The following RAPGEF1 variants were observed in gnomAD, a reference collection of about 807,000 sequenced individuals.
RAPGEF1 encodes CRK SH3-binding GNRP.
In RAPGEF1, 33 loss-of-function variants were observed where a neutral mutation model predicts 143.3. That is an observed-to-expected ratio of 0.23 (90% CI 0.17 to 0.31). RAPGEF1 has a LOEUF of 0.31. Ranked by LOEUF, RAPGEF1 falls within the 10% of genes least tolerant of loss-of-function variation. The probability of loss-of-function intolerance (pLI) is 1.00; values close to 1 mark genes in which losing one functional copy is unlikely to be tolerated. For synonymous variants in RAPGEF1, 629 were observed against 676.5 expected, an observed-to-expected ratio of 0.93 and a Z score of 1.09; for missense variants, 1,199 against 1,645.4, an observed-to-expected ratio of 0.73 and a Z score of 4.69.
rs1956713069 is a variant in RAPGEF1, at chr9:131,604,058, G to C, written c.2320-5C>G. 7.6e-7 allele frequency: 1 copy of C among 1,321,688 alleles called. No individual in the cohort carries two copies. The highest frequency in any genetic ancestry group is 1.0e-6 in the Non-Finnish European group (1 of 996,628). The allele number at this position is 1,321,688 out of a possible 1,614,324, so 81.9% of individuals were successfully genotyped here. A position where few individuals can be genotyped will look rare whatever the true frequency, so the allele number is the denominator to read the frequency against. On this transcript the variant is annotated splice_region_variant and splice_polypyrimidine_tract_variant and intron_variant, in intron 13 of 26. Coordinates refer to ENST00000683357, the MANE Select transcript of RAPGEF1 (RefSeq NM_001377935.1). Reference sequence around the variant, plus strand: ...TTCCTCACTGGCGTTTTCACTCTGGGGGAGACAGGACGAGAGGAAAGACAC... The same window carrying C: ...TTCCTCACTGGCGTTTTCACTCTGGCGGAGACAGGACGAGAGGAAAGACAC...
At chr9:131,582,551 A>G in intron 25 of RAPGEF1, 54 bp downstream of exon 25, 2 of 1,276,864 alleles carry the variant, frequency 1.6e-6, no homozygotes, top group South Asian at 1.5e-5. Context: ...TCTTCCCCAG[A>G]GCAATGGAGG....
At chr9:131,579,883 C>T (rs997540061) in intron 26 of RAPGEF1, among the ~76,000 whole-genome samples, 5 of 152,210 alleles carry the variant, frequency 3.3e-5, no homozygotes, top group Non-Finnish European at 5.9e-5. Flanking sequence ...GGGAGGGGGC[C>T]CCAGGTGATC....
chr9:131,671,398 A>C (rs1831366355), intron 1 of RAPGEF1, among the ~76,000 whole-genome samples: 1 of 152,186 alleles, frequency 6.6e-6, no homozygotes, highest in Non-Finnish European at 1.5e-5. Context: ...ATCAGAACAC[A>C]CCTTCCCCTT....
chr9:131,638,811 G>C lies in RAPGEF1; in HGVS notation c.495-20C>G, dbSNP rs771551862. On this transcript the variant is annotated intron_variant, in intron 4 of 26. Transcript: ENST00000683357. ...GCTGAGCTACAGGGAAGAGAAGAATGGAAAAAAAGAAAATCTAAAGCATGA... is the reference window on the plus strand; with the variant it reads ...GCTGAGCTACAGGGAAGAGAAGAATCGAAAAAAAGAAAATCTAAAGCATGA... 87 of 1,608,666 alleles carry C rather than the reference G, an allele frequency of 5.4e-5. No homozygotes were observed. Among genetic ancestry groups the C allele is most frequent in the Non-Finnish European group, 7.4e-5 (87 of 1,177,100 alleles).
At position 131,641,233 on chromosome 9, in the gene RAPGEF1, G is replaced by A. The variant is rs144798196; in HGVS notation, c.494+2006C>T. On this transcript the variant is annotated intron_variant, in intron 4 of 26. Transcript: ENST00000683357. This position sits in a 1 kb window ranked among gnomAD's most constrained non-coding sequence, Gnocchi z 4.6. ...ACGCTATCCTGGACTCTCCCAAAGA[G>A]GCTTAGCGCCTGAGGGTGCAGGGTG... Among the ~76,000 whole-genome samples the A allele has an allele frequency of 1.2e-4, 18 of 152,264 alleles. No individual in the cohort carries two copies. The highest frequency in any genetic ancestry group is 3.9e-4 in the African/African-American group (16 of 41,542).
At chr9:131,630,758 T>C (rs1348073800) in intron 5 of RAPGEF1, among the ~76,000 whole-genome samples, 2 of 151,648 alleles carry the variant, frequency 1.3e-5, no homozygotes, top group African/African-American at 4.9e-5. Context: ...ACAGGTGTGG[T>C]GGAGCTGCTA....
In RAPGEF1 at chr9:131,667,348, C is replaced by G. The variant is rs1234447154; in HGVS notation, c.62-16399G>C. Among the ~76,000 whole-genome samples, 1 of 152,216 alleles carries G rather than the reference C, an allele frequency of 6.6e-6. No individual in the cohort carries two copies. Among genetic ancestry groups the G allele is most frequent in the Non-Finnish European group, 1.5e-5 (1 of 68,048 alleles). Reference sequence around the variant, plus strand: ...AGACCGAGTCACAGGCGGCTTCCTGCTCGCCTTAGGCAGGGCTCAGGGCAG... The same window carrying G: ...AGACCGAGTCACAGGCGGCTTCCTGGTCGCCTTAGGCAGGGCTCAGGGCAG... On this transcript the variant is annotated intron_variant, in intron 1 of 26. Coordinates refer to ENST00000683357, the MANE Select transcript of RAPGEF1 (RefSeq NM_001377935.1). The surrounding 1 kb of genome is among the most constrained non-coding windows in gnomAD (Gnocchi z 4.6).
chr9:131,582,503 A>G (rs1178531540), intron 25 of RAPGEF1, 102 bp downstream of exon 25: 1 of 843,052 alleles, frequency 1.2e-6, no homozygotes, highest in South Asian at 2.0e-5. Context: ...TCCGTTAGAA[A>G]CCCCTAAATT....
chr9:131,630,131 GCAGC>G, intron 6 of RAPGEF1, 101 bp downstream of exon 6: 1 of 998,478 alleles, frequency 1.0e-6, no homozygotes, highest in East Asian at 2.5e-5. Context: ...TGGGCCTCCA[GCAGC>G]CCACCCTCAT....
At chr9:131,711,270 T>G (rs942500188) in intron 1 of RAPGEF1, among the ~76,000 whole-genome samples, 5 of 151,966 alleles carry the variant, frequency 3.3e-5, no homozygotes, top group Admixed American at 1.3e-4. Context: ...CAGGCTGGTC[T>G]CAAACTCCTG....
intron 1 of RAPGEF1, chr9:131,709,636 C>G: frequency 6.2e-7 from 1 of 1,613,992 alleles, no homozygotes; most frequent in South Asian, 1.1e-5. Flanking sequence ...TCCAGGGGTA[C>G]AGATGACTTC....
At chr9:131,662,261 G>C (rs1974329278) in intron 1 of RAPGEF1, among the ~76,000 whole-genome samples, 1 of 152,050 alleles carries the variant, frequency 6.6e-6, no homozygotes, top group African/African-American at 2.4e-5. Context: ...AAAGACCCGA[G>C]TCCTTAAGCC....
At chr9:131,725,589 G>A (rs953940466) in intron 1 of RAPGEF1, 2 of 152,324 alleles carry the variant, frequency 1.3e-5, no homozygotes, top group African/African-American at 4.8e-5. Context: ...CTTCTGAGTA[G>A]CTGGGACTAC....
rs375961565 is a variant in RAPGEF1, at chr9:131,580,348, G to T, written c.3556C>A (p.Pro1186Thr). 2 of 1,613,974 alleles carry T rather than the reference G, an allele frequency of 1.2e-6. No individual in the cohort carries two copies. Among genetic ancestry groups the T allele is most frequent in the Non-Finnish European group, 1.7e-6 (2 of 1,179,866 alleles). ...QDLTFVHLGN[P>T]DYIDGKVNFS... ...TTCACTTTCCCGTCGATGTAGTCTG[G>T]GTTTCCCAGGTGAACGAAGGTCAGG... The change falls in exon 26 of 27, where the codon CCA becomes ACA. Residue 1186 changes from proline to threonine, a missense_variant. Transcript: ENST00000683357.
intron 22 of RAPGEF1, among the ~76,000 whole-genome samples, chr9:131,585,058 C>T (rs530637820): frequency 2.6e-5 from 4 of 152,254 alleles, no homozygotes; most frequent in South Asian, 2.1e-4. Flanking sequence ...CAACCAAAGC[C>T]GAGACCAAAG....
chr9:131,642,491 C>T (rs1968290976), intron 4 of RAPGEF1, among the ~76,000 whole-genome samples: 1 of 152,246 alleles, frequency 6.6e-6, no homozygotes. Flanking sequence ...GACCATTTGC[C>T]TGAGAACTTA....
intron 1 of RAPGEF1, among the ~76,000 whole-genome samples, chr9:131,728,934 C>T (rs1304056574): frequency 1.3e-5 from 2 of 152,190 alleles, no homozygotes; most frequent in East Asian, 3.9e-4. Flanking sequence ...CCCCATTTTA[C>T]AGATAAGGAA....
At chr9:131,582,541 T>A in intron 25 of RAPGEF1, 64 bp downstream of exon 25, 1 of 1,183,864 alleles carries the variant, frequency 8.4e-7, no homozygotes, top group Non-Finnish European at 1.2e-6. Flanking sequence ...GCCTGACAGA[T>A]CTTCCCCAGA....
At chr9:131,666,495 T>C (rs1277195317) in intron 1 of RAPGEF1, among the ~76,000 whole-genome samples, 1 of 152,146 alleles carries the variant, frequency 6.6e-6, no homozygotes, top group African/African-American at 2.4e-5. Context: ...CAAGTGATTC[T>C]TCTGCCTTAG....
Sources: allele counts gnomAD v4.1 joint callset (sites outside exome capture counted in the v4.1 genomes callset), GRCh38; gene constraint gnomAD v4.1.1; non-coding constraint Gnocchi (gnomAD v3.1); transcripts MANE v1.5; gene names NCBI Gene and HGNC (gene_info 2026-07-23, HGNC 2026-07-21).